The following GHR variants were observed in gnomAD, a reference collection of about 807,000 sequenced individuals.
GHR encodes GH receptor.
Under a neutral mutation model 67.1 loss-of-function variants are expected in GHR, and 35 were observed. The ratio of observed to expected loss-of-function variants is 0.52; its 90% CI spans 0.40 to 0.69. The LOEUF is 0.69. Ranked by LOEUF, GHR falls within the 30% of genes least tolerant of loss-of-function variation. The pLI is 0.00. For missense variants in GHR, 792 were observed against 764.6 expected (o/e 1.04, Z -0.42); for synonymous variants, 272 against 269.1 (o/e 1.01, Z -0.10).
At chr5:42,528,863 C>T (rs1747824090) in intron 1 of GHR, among the ~76,000 whole-genome samples, 1 of 152,104 alleles carries the variant, frequency 6.6e-6, no homozygotes, top group African/African-American at 2.4e-5. Context: ...AGACTCTCCA[C>T]CGGCAAAAAG....
rs10581858 is a variant in GHR, at chr5:42,617,385, TACACACACAC to T, written c.71-11621_71-11612del. Among the ~76,000 whole-genome samples the T allele has an allele frequency of 3.0e-3, 442 of 149,230 alleles. 3 individuals are homozygous for T. Among genetic ancestry groups the T allele is most frequent in the African/African-American group, 7.6e-3 (308 of 40,382 alleles). Reference sequence around the variant, plus strand: ...CTAGCTGCTGCTAGGAAGTTCATTTTACACACACACACACACACACACACACACACACACA... The same window carrying T: ...CTAGCTGCTGCTAGGAAGTTCATTTTACACACACACACACACACACACACA... On this transcript the variant is annotated intron_variant, in intron 2 of 9. Coordinates refer to ENST00000230882, the MANE Select transcript of GHR (RefSeq NM_000163.5).
At chr5:42,594,093 T>A (rs1198656345) in intron 2 of GHR, among the ~76,000 whole-genome samples, 1 of 152,198 alleles carries the variant, frequency 6.6e-6, no homozygotes, top group Non-Finnish European at 1.5e-5. Context: ...CTCCACGAAT[T>A]TTGTCAACAG....
At chr5:42,558,827 T>A (rs1284070298) in intron 1 of GHR, among the ~76,000 whole-genome samples, 2 of 152,204 alleles carry the variant, frequency 1.3e-5, no homozygotes, top group Admixed American at 6.5e-5. Context: ...ATGACTGTAA[T>A]CACATTTAAA....
At chr5:42,468,031 A>T (rs1256782025) in intron 1 of GHR, 7 of 811,390 alleles carry the variant, frequency 8.6e-6, no homozygotes, top group Admixed American at 2.3e-5. Context: ...GTCCTTAAGG[A>T]TCAGCTTTCT....
At chr5:42,492,449 C>T (rs929195122) in intron 1 of GHR, among the ~76,000 whole-genome samples, 2 of 152,122 alleles carry the variant, frequency 1.3e-5, no homozygotes, top group Non-Finnish European at 2.9e-5. Flanking sequence ...AATGCATGTT[C>T]ATGAAGATAC....
chr5:42,595,697 G>A (rs1378952516), intron 2 of GHR, among the ~76,000 whole-genome samples: 1 of 152,250 alleles, frequency 6.6e-6, no homozygotes, highest in African/African-American at 2.4e-5. Context: ...TGCAGACCAA[G>A]CAGGGTAACT....
At chr5:42,530,848 T>C (rs1323790539) in intron 1 of GHR, among the ~76,000 whole-genome samples, 2 of 152,212 alleles carry the variant, frequency 1.3e-5, no homozygotes, top group Non-Finnish European at 2.9e-5. Flanking sequence ...GTTCTGCTCA[T>C]CTCTTTGGAA....
chr5:42,562,609 CAT>C (rs1230918475), intron 1 of GHR, among the ~76,000 whole-genome samples: 2 of 145,786 alleles, frequency 1.4e-5, no homozygotes, highest in African/African-American at 5.1e-5. Flanking sequence ...ATTCTATGGA[CAT>C]ATGTTCAGCT....
intron 8 of GHR, among the ~76,000 whole-genome samples, chr5:42,717,182 C>T (rs1031281460): frequency 6.6e-6 from 1 of 152,106 alleles, no homozygotes; most frequent in African/African-American, 2.4e-5. Flanking sequence ...ACCCTGTAGT[C>T]CTAGCTACTT....
At chr5:42,620,047 GTGGA>G (rs1387275054) in intron 2 of GHR, among the ~76,000 whole-genome samples, 10 of 152,028 alleles carry the variant, frequency 6.6e-5, no homozygotes. Context: ...GTGACAGTGA[GTGGA>G]AGAAATTAAT....
intron 1 of GHR, among the ~76,000 whole-genome samples, chr5:42,494,424 G>GA (rs1351134330): frequency 2.0e-5 from 3 of 151,970 alleles, no homozygotes; most frequent in African/African-American, 7.2e-5. Context: ...ACATGTTGAG[G>GA]AAAAAATGTC....
chr5:42,481,335 T>C (rs1745624839), intron 1 of GHR, among the ~76,000 whole-genome samples: 1 of 152,216 alleles, frequency 6.6e-6, no homozygotes, highest in African/African-American at 2.4e-5. Flanking sequence ...TTCCTGCATT[T>C]CAACTTTGGT....
intron 2 of GHR, among the ~76,000 whole-genome samples, chr5:42,596,867 A>G (rs1022679588): frequency 6.6e-6 from 1 of 152,184 alleles, no homozygotes; most frequent in African/African-American, 2.4e-5. Flanking sequence ...TCAGCTCAGA[A>G]GCCTAATTGA....
intron 2 of GHR, among the ~76,000 whole-genome samples, chr5:42,616,176 T>A (rs1327356881): frequency 6.6e-6 from 1 of 152,094 alleles, no homozygotes; most frequent in Non-Finnish European, 1.5e-5. Context: ...ATCTTACTTA[T>A]GCCTTAAAAA....
At position 42,628,720 on chromosome 5, in the gene GHR, G is replaced by C; in HGVS notation, c.71-318G>C. ...TTAGCAAGATTAATGGCCTATAGGT[G>C]TGACTTAACCCTTGCCTTGCATGGC... On this transcript the variant is annotated intron_variant, in intron 2 of 9. Transcript: ENST00000230882. 1.5e-5 allele frequency among the ~76,000 whole-genome samples: 2 copies of C among 132,294 alleles called. 1 individual carries two copies. The highest frequency in any genetic ancestry group is 4.1e-4 in the East Asian group (2 of 4,882). 86.8% of individuals were successfully genotyped at this position (132,294 alleles called of 152,430 possible). A position where few individuals can be genotyped will look rare whatever the true frequency, so the allele number is the denominator to read the frequency against.
At chr5:42,543,756 T>C (rs1287873309) in intron 1 of GHR, among the ~76,000 whole-genome samples, 2 of 152,166 alleles carry the variant, frequency 1.3e-5, no homozygotes, top group African/African-American at 4.8e-5. Flanking sequence ...TTCGATTTTA[T>C]AAAATTATCA....
chr5:42,668,886 AAC>A (rs1015879852), intron 3 of GHR, among the ~76,000 whole-genome samples: 6 of 152,202 alleles, frequency 3.9e-5, no homozygotes, highest in Non-Finnish European at 7.3e-5. Context: ...TACCCTGATA[AAC>A]ACATCATAAA....
chr5:42,656,386 T>C (rs550526505), intron 3 of GHR, among the ~76,000 whole-genome samples: 1 of 152,336 alleles, frequency 6.6e-6, no homozygotes, highest in African/African-American at 2.4e-5. Flanking sequence ...CTGTAGCCTC[T>C]ATTTTTATTT....
intron 2 of GHR, among the ~76,000 whole-genome samples, chr5:42,576,918 G>A (rs1198357861): frequency 2.0e-5 from 3 of 152,206 alleles, no homozygotes; most frequent in Non-Finnish European, 4.4e-5. Flanking sequence ...AATTAAATGA[G>A]ATAGCATGTA....
Sources: allele counts gnomAD v4.1 joint callset (sites outside exome capture counted in the v4.1 genomes callset), GRCh38; gene constraint gnomAD v4.1.1; transcripts MANE v1.5; gene names NCBI Gene and HGNC (gene_info 2026-07-23, HGNC 2026-07-21).